Variants in CYTH1 observed in about 807,000 individuals in gnomAD.
The protein encoded by CYTH1 is cytohesin-1.
In CYTH1, 18 loss-of-function variants were observed where a neutral mutation model predicts 61.8. The observed-to-expected ratio is 0.29, with a 90% CI of 0.20 to 0.43. CYTH1 has a LOEUF of 0.43. Ranked by LOEUF, CYTH1 falls within the 20% of genes least tolerant of loss-of-function variation. The pLI, the probability that CYTH1 is intolerant of heterozygous loss-of-function variation, is 1.00. For synonymous variants in CYTH1, 174 were observed against 184.3 expected (o/e 0.94, Z 0.45); for missense variants, 336 against 510.5 (o/e 0.66, Z 3.29).
At chr17:78,749,494 T>C (rs1468990979) in intron 1 of CYTH1, among the ~76,000 whole-genome samples, 1 of 151,614 alleles carries the variant, frequency 6.6e-6, no homozygotes, top group Non-Finnish European at 1.5e-5. Flanking sequence ...TAGCCAAGTT[T>C]GGTGGGTGTG....
chr17:78,719,003 G>C (rs936377641), intron 1 of CYTH1, among the ~76,000 whole-genome samples: 2 of 152,224 alleles, frequency 1.3e-5, no homozygotes, highest in Admixed American at 6.5e-5. Flanking sequence ...GTTCCTTCCG[G>C]CAGGAGCAGC....
At chr17:78,763,894 T>C (rs1401684656) in intron 1 of CYTH1, among the ~76,000 whole-genome samples, 3 of 152,158 alleles carry the variant, frequency 2.0e-5, no homozygotes, top group Non-Finnish European at 4.4e-5. Context: ...GCACATCACT[T>C]GAGGTCAGGA....
At chr17:78,753,529 A>ATAAATAAATAAATAAGTAAG (rs1555614199) in intron 1 of CYTH1, among the ~76,000 whole-genome samples, 44 of 151,958 alleles carry the variant, frequency 2.9e-4, no homozygotes, top group African/African-American at 1.1e-3. Flanking sequence ...AAATAAATAA[A>ATAAATAAATAAATAAGTAAG]TAAAGATAAC....
intron 1 of CYTH1, among the ~76,000 whole-genome samples, chr17:78,725,957 G>A (rs946623850): frequency 2.0e-5 from 3 of 151,780 alleles, no homozygotes; most frequent in Non-Finnish European, 2.9e-5. Flanking sequence ...CACAGGAAAC[G>A]ACTGGCCACA....
intron 7 of CYTH1, among the ~76,000 whole-genome samples, chr17:78,699,349 G>C (rs2092983046): frequency 6.6e-6 from 1 of 150,914 alleles, no homozygotes. Flanking sequence ...GGGCGACAGA[G>C]TGAGACTCCA....
intron 11 of CYTH1, among the ~76,000 whole-genome samples, chr17:78,690,307 T>C (rs534356349): frequency 7.3e-6 from 1 of 136,962 alleles, no homozygotes; most frequent in Admixed American, 8.1e-5. Context: ...GGCAGGAGAA[T>C]GGCGTGAGCC....
At chr17:78,737,415 T>C (rs1395855163) in intron 1 of CYTH1, among the ~76,000 whole-genome samples, 1 of 152,068 alleles carries the variant, frequency 6.6e-6, no homozygotes, top group Non-Finnish European at 1.5e-5. Context: ...CCATCCACAA[T>C]AGGTTAAATC....
rs751494741 is a variant in CYTH1, at chr17:78,760,384, T to TATATATATATAC, written c.22+21817_22+21818insGTATATATATAT. 1.6e-3 allele frequency among the ~76,000 whole-genome samples: 83 copies of TATATATATATAC among 51,378 alleles called. 2 individuals carry two copies. The highest frequency in any genetic ancestry group is 0.011 in the Middle Eastern group (1 of 88). 33.7% of individuals were successfully genotyped at this position (51,378 alleles called of 152,430 possible). ...ATATATATATATATATATATATATA[T>TATATATATATAC]ACACACACATACATATATATATGTG... is the stretch of plus-strand genomic sequence containing the variant. On this transcript the variant is annotated intron_variant, in intron 1 of 13. Transcript: ENST00000446868.
At chr17:78,726,573 G>A (rs1246824432) in intron 1 of CYTH1, among the ~76,000 whole-genome samples, 1 of 152,110 alleles carries the variant, frequency 6.6e-6, no homozygotes, top group Non-Finnish European at 1.5e-5. Context: ...TCAGAGAAGA[G>A]CAGGGCCCAG....
At chr17:78,705,121 C>T (rs1474776838) in intron 3 of CYTH1, among the ~76,000 whole-genome samples, 4 of 152,140 alleles carry the variant, frequency 2.6e-5, no homozygotes, top group East Asian at 1.9e-4. Flanking sequence ...GGTGAGGCAG[C>T]GTCAGAGGTG....
intron 12 of CYTH1, 92 bp from the exon 13 acceptor site, chr17:78,680,436 T>A: frequency 7.3e-7 from 1 of 1,367,062 alleles, no homozygotes; most frequent in Non-Finnish European, 9.9e-7. Flanking sequence ...CCCTTTCTTC[T>A]GACCTTCACA....
chr17:78,709,429 A>C (rs2093104175), intron 2 of CYTH1: 1 of 516,144 alleles, frequency 1.9e-6, no homozygotes, highest in Admixed American at 3.6e-5. Context: ...CAACCGACCA[A>C]CTGGGTGAAC....
At chr17:78,725,145 A>G (rs1019257311) in intron 1 of CYTH1, among the ~76,000 whole-genome samples, 1 of 152,056 alleles carries the variant, frequency 6.6e-6, no homozygotes, top group Non-Finnish European at 1.5e-5. Flanking sequence ...GTACTCAGTT[A>G]CATCTCTTTG....
chr17:78,735,061 C>T (rs533924534), intron 1 of CYTH1, among the ~76,000 whole-genome samples: 34 of 152,322 alleles, frequency 2.2e-4, no homozygotes, highest in Non-Finnish European at 3.7e-4. Flanking sequence ...ACACTGCCTT[C>T]AGTCCCAGGT....
intron 1 of CYTH1, among the ~76,000 whole-genome samples, chr17:78,755,301 G>C (rs920099907): frequency 1.3e-5 from 2 of 152,006 alleles, no homozygotes; most frequent in African/African-American, 4.8e-5. Flanking sequence ...TCCACCTCCA[G>C]AGTAGCTTTC....
At chr17:78,746,921 G>A (rs747259427) in intron 1 of CYTH1, among the ~76,000 whole-genome samples, 14 of 151,536 alleles carry the variant, frequency 9.2e-5, no homozygotes, top group South Asian at 2.1e-4. Context: ...TCCAGTCTTC[G>A]TGACAGAGTC....
chr17:78,695,952 C>T (rs1018207577), intron 10 of CYTH1, 55 bp downstream of exon 10: 1 of 1,364,466 alleles, frequency 7.3e-7, no homozygotes, highest in Non-Finnish European at 9.8e-7. Flanking sequence ...TCAGAAAATG[C>T]TGCAGTAATG....
chr17:78,782,213 TC>T lies in CYTH1; in HGVS notation c.10del (p.Asp4ThrfsTer9). On this transcript the variant is annotated frameshift_variant, in exon 1 of 14. Transcript: ENST00000446868. LOFTEE classifies it high-confidence loss of function. The stretch of plus-strand genomic sequence containing the variant: ...CGGGGCGCACTGACCGTAGCTGTCG[TC>T]CTCCTCCATGGTGCGGGAGCCGGGC... MEE[D>X]DSYVPSDLTA... 1 of 1,364,254 alleles carries T rather than the reference TC, an allele frequency of 7.3e-7. No individual in the cohort carries two copies. Among genetic ancestry groups the T allele is most frequent in the African/African-American group, 1.5e-5 (1 of 65,468 alleles). The allele number at this position is 1,364,254 out of a possible 1,614,324, so 84.5% of individuals were successfully genotyped here.
At position 78,700,525 on chromosome 17, in the gene CYTH1, TTTTTTC is replaced by T; in HGVS notation, c.438-88_438-83del. On this transcript the variant is annotated intron_variant, in intron 6 of 13. Transcript: ENST00000446868. This position sits in a 1 kb window ranked among gnomAD's most constrained non-coding sequence, Gnocchi z 5.1. ...GAATTGTTAAACTGCCAATGATTTT[TTTTTTC>T]TTTTTTTTTTTGAGATGGAGTCTCA... 1 of 1,156,626 alleles carries T rather than the reference TTTTTTC, an allele frequency of 8.6e-7. No individual in the cohort carries two copies. The highest frequency in any genetic ancestry group is 2.7e-5 in the East Asian group (1 of 37,384). 71.6% of individuals were successfully genotyped at this position (1,156,626 alleles called of 1,614,324 possible). A position where few individuals can be genotyped will look rare whatever the true frequency, so the allele number is the denominator to read the frequency against.
Sources: allele counts gnomAD v4.1 joint callset (sites outside exome capture counted in the v4.1 genomes callset), GRCh38; gene constraint gnomAD v4.1.1; non-coding constraint Gnocchi (gnomAD v3.1); transcripts MANE v1.5; gene names NCBI Gene and HGNC (gene_info 2026-07-23, HGNC 2026-07-21).